Variants in TEAD1 observed in about 807,000 individuals in gnomAD.
TEAD1 encodes transcriptional enhancer factor TEF-1.
A neutral mutation model predicts 54.9 loss-of-function variants in TEAD1; 9 were observed. The ratio of observed to expected loss-of-function variants is 0.16; its 90% CI spans 0.10 to 0.29. The LOEUF (loss-of-function observed/expected upper bound fraction) is 0.29, where lower values mean the gene tolerates loss of function less well. TEAD1 is among the 10% of genes least tolerant of loss of function. The pLI is 1.00. For synonymous variants in TEAD1, 200 were observed against 187.8 expected (o/e 1.07, Z -0.53); for missense variants, 387 against 535.9 (o/e 0.72, Z 2.74).
intron 3 of TEAD1, among the ~76,000 whole-genome samples, chr11:12,776,377 G>C (rs902154543): frequency 4.1e-4 from 63 of 152,268 alleles, no homozygotes; most frequent in African/African-American, 1.3e-3. Flanking sequence ...TTTTCGTTCA[G>C]CTTGTACATG....
chr11:12,838,155 G>C (rs1246992583), intron 3 of TEAD1, among the ~76,000 whole-genome samples: 1 of 152,148 alleles, frequency 6.6e-6, no homozygotes, highest in East Asian at 1.9e-4. Flanking sequence ...ACATCCTCAT[G>C]AGACCTAATA....
intron 2 of TEAD1, among the ~76,000 whole-genome samples, chr11:12,720,748 T>C (rs1275433348): frequency 1.3e-5 from 2 of 152,208 alleles, no homozygotes; most frequent in African/African-American, 4.8e-5. Flanking sequence ...CTGAAGTGTT[T>C]GTTGCTGCTG....
At chr11:12,699,231 TATC>T (rs1355652935) in intron 2 of TEAD1, among the ~76,000 whole-genome samples, 2 of 152,224 alleles carry the variant, frequency 1.3e-5, no homozygotes, top group African/African-American at 2.4e-5. Flanking sequence ...CATGTTTTAT[TATC>T]CACATGTTGA....
intron 3 of TEAD1, among the ~76,000 whole-genome samples, chr11:12,818,840 G>T (rs138916115): frequency 6.6e-6 from 1 of 152,216 alleles, no homozygotes. Context: ...GAAAATCTAT[G>T]TGAGTCAGCT....
chr11:12,692,616 G>C lies in TEAD1; in HGVS notation c.-55+17055G>C, dbSNP rs1179389811. ...TTCCCCCCCGCCCCCGCTTTCCTCCGTGGGCACTGAGAGTAGGGGGAAGAG... is the reference window on the plus strand; with the variant it reads ...TTCCCCCCCGCCCCCGCTTTCCTCCCTGGGCACTGAGAGTAGGGGGAAGAG... On this transcript the variant is annotated intron_variant, in intron 2 of 12. Coordinates refer to ENST00000527636, the MANE Select transcript of TEAD1 (RefSeq NM_021961.6). Among the ~76,000 whole-genome samples, 7 of 152,144 alleles carry C rather than the reference G, an allele frequency of 4.6e-5. No individual in the cohort carries two copies. In the East Asian group the frequency reaches 1.4e-3, roughly 29 times the overall value.
In TEAD1 at chr11:12,778,353, G is replaced by T. The variant is rs1945472904; in HGVS notation, c.202+13919G>T. Among the ~76,000 whole-genome samples the T allele has an allele frequency of 3.3e-5, 5 of 152,010 alleles. No individual in the cohort carries two copies. The South Asian group carries it at 1.0e-3, about 32-fold the overall frequency. ...TAGAAAAGAAAGAATGGGCTTTCCT[G>T]GTGTCTGGGATACCGTTCATCCTGT... On this transcript the variant is annotated intron_variant, in intron 3 of 12. Transcript: ENST00000527636.
intron 3 of TEAD1, 27 bp from the exon 4 acceptor site, chr11:12,862,223 C>G: frequency 3.1e-6 from 5 of 1,605,316 alleles, no homozygotes; most frequent in Non-Finnish European, 4.3e-6. Context: ...GGTAACCCAC[C>G]TCATGGTAAA....
intron 2 of TEAD1, among the ~76,000 whole-genome samples, chr11:12,738,115 G>C (rs529926262): frequency 6.6e-6 from 1 of 152,166 alleles, no homozygotes; most frequent in Non-Finnish European, 1.5e-5. Flanking sequence ...CAACATGTGG[G>C]AATTATGGGA....
At chr11:12,842,138 T>C (rs918486550) in intron 3 of TEAD1, among the ~76,000 whole-genome samples, 4 of 152,170 alleles carry the variant, frequency 2.6e-5, no homozygotes, top group African/African-American at 9.7e-5. Context: ...ATATAGCTTG[T>C]CATAACACAT....
At chr11:12,752,843 TAC>T (rs1944902901) in intron 2 of TEAD1, among the ~76,000 whole-genome samples, 1 of 127,784 alleles carries the variant, frequency 7.8e-6, no homozygotes, top group African/African-American at 3.3e-5. Flanking sequence ...ATGAATATGC[TAC>T]AGTTTTTTTT....
intron 9 of TEAD1, among the ~76,000 whole-genome samples, chr11:12,890,138 G>A (rs888410467): frequency 6.6e-6 from 1 of 152,168 alleles, no homozygotes; most frequent in Admixed American, 6.5e-5. Flanking sequence ...GCTCAGAAAC[G>A]TTAAATAAAG....
chr11:12,894,269 C>T (rs1297423326), intron 9 of TEAD1, among the ~76,000 whole-genome samples: 1 of 152,128 alleles, frequency 6.6e-6, no homozygotes, highest in Non-Finnish European at 1.5e-5. Context: ...TCAGGTTGGA[C>T]GGTGCAGTGC....
In TEAD1 at chr11:12,721,939, G is replaced by GT. The variant is rs111369703; in HGVS notation, c.-54-42239dup. Among the ~76,000 whole-genome samples, 345 of 152,296 alleles carry GT rather than the reference G, an allele frequency of 2.3e-3. 1 individual carries two copies. Among genetic ancestry groups the GT allele is most frequent in the African/African-American group, 7.4e-3 (309 of 41,558 alleles). On this transcript the variant is annotated intron_variant, in intron 2 of 12. Transcript: ENST00000527636. ...CAGTGCTTCTCAAACATCCCTGTGCGTAAGAGTTGCCTGGGAGGCTGGTTA... is the reference window on the plus strand; with the variant it reads ...CAGTGCTTCTCAAACATCCCTGTGCGTTAAGAGTTGCCTGGGAGGCTGGTTA...
Position 12,685,832 on chromosome 11 carries a change from A to G in TEAD1, c.-55+10271A>G, listed in dbSNP as rs759618262. ...AGACACCTGGAAGGCATGGGAGGCC[A>G]CAAATCAGTCATTGAATCTGATTTG... On this transcript the variant is annotated intron_variant, in intron 2 of 12. Coordinates refer to ENST00000527636, the MANE Select transcript of TEAD1 (RefSeq NM_021961.6). Among the ~76,000 whole-genome samples, 8 of 152,352 alleles carry G rather than the reference A, an allele frequency of 5.3e-5. No homozygotes were observed. The East Asian group carries it at 1.2e-3, about 22-fold the overall frequency.
At chr11:12,908,960 T>A (rs957161179) in intron 10 of TEAD1, among the ~76,000 whole-genome samples, 2 of 150,704 alleles carry the variant, frequency 1.3e-5, no homozygotes, top group Admixed American at 6.6e-5. Context: ...CATGGTTATG[T>A]GTGTAAATAA....
chr11:12,784,279 G>A (rs946545361), intron 3 of TEAD1, among the ~76,000 whole-genome samples: 1 of 152,194 alleles, frequency 6.6e-6, no homozygotes, highest in Non-Finnish European at 1.5e-5. Flanking sequence ...CAAGTTGTAA[G>A]GGCCAGAGTT....
intron 2 of TEAD1, among the ~76,000 whole-genome samples, chr11:12,693,063 T>C (rs1426850614): frequency 6.6e-6 from 1 of 152,196 alleles, no homozygotes; most frequent in East Asian, 1.9e-4. Context: ...CAACAATCCA[T>C]GAATGAGGGA....
chr11:12,777,068 C>T (rs1210826958), intron 3 of TEAD1, among the ~76,000 whole-genome samples: 1 of 151,994 alleles, frequency 6.6e-6, no homozygotes, highest in Admixed American at 6.5e-5. Flanking sequence ...GCTAGGATTA[C>T]AGGCGTGAAC....
intron 2 of TEAD1, among the ~76,000 whole-genome samples, chr11:12,676,819 C>G (rs950831784): frequency 1.3e-5 from 2 of 152,154 alleles, no homozygotes; most frequent in Non-Finnish European, 2.9e-5. Context: ...AGGTTTTAAA[C>G]AGTTAACAAT....
Sources: gnomAD v4.1 joint callset for allele counts (sites outside exome capture counted in the v4.1 genomes callset) on GRCh38, gnomAD v4.1.1 for gene constraint, MANE v1.5 for transcripts, NCBI Gene and HGNC (gene_info 2026-07-23, HGNC 2026-07-21) for gene names.